PRUNE2: variants seen among roughly 807,000 people sequenced by gnomAD.
PRUNE2 encodes the protein prune homolog 2 with BCH domain.
Under a neutral mutation model 252.0 loss-of-function variants are expected in PRUNE2, and 164 were observed. That is an observed-to-expected ratio of 0.65 (90% CI 0.57 to 0.74). The LOEUF (loss-of-function observed/expected upper bound fraction) is 0.74, where lower values mean the gene tolerates loss of function less well. Ranked by LOEUF, PRUNE2 falls within the 30% of genes least tolerant of loss-of-function variation. The pLI, the probability that PRUNE2 is intolerant of heterozygous loss-of-function variation, is 0.00. For missense variants in PRUNE2, 3,495 were observed against 3,711.0 expected, an observed-to-expected ratio of 0.94 and a Z score of 1.51; for synonymous variants, 1,292 against 1,350.2, an observed-to-expected ratio of 0.96 and a Z score of 0.94.
chr9:76,886,691 C>T (rs2062120899), intron 1 of PRUNE2, among the ~76,000 whole-genome samples: 1 of 152,196 alleles, frequency 6.6e-6, no homozygotes, highest in African/African-American at 2.4e-5. Context: ...TCACTCCACA[C>T]AATGACTGAA....
rs777734019 is a variant in PRUNE2, at chr9:76,704,060, G to C, written c.7553C>G (p.Thr2518Arg). ...CTGCTCAGGCTCTTTGGTAGGAATT[G>C]TTTTTTCTTCTTCCAATTCTGATAT... ...KEISELEEEK[T>R]IPTKEPEQIK... is the part of the protein sequence containing the mutation. The change falls in exon 9 of 19, where the codon ACA becomes AGA. Residue 2518 changes from threonine to arginine, a missense_variant. Physicochemically the swap from Thr to Arg is moderately conservative, Grantham distance 71 (BLOSUM62 -1). Transcript: ENST00000376718. 1 of 1,601,186 alleles carries C rather than the reference G, an allele frequency of 6.2e-7. No homozygotes were observed. The highest frequency in any genetic ancestry group is 8.5e-7 in the Non-Finnish European group (1 of 1,175,892).
At chr9:76,894,065 T>C (rs2062658174) in intron 1 of PRUNE2, among the ~76,000 whole-genome samples, 1 of 152,220 alleles carries the variant, frequency 6.6e-6, no homozygotes. Context: ...CTTAAGACCA[T>C]GCTTGCAATT....
chr9:76,663,070 A>G (rs559018101), intron 9 of PRUNE2, among the ~76,000 whole-genome samples: 1 of 152,386 alleles, frequency 6.6e-6, no homozygotes, highest in East Asian at 1.9e-4. Flanking sequence ...TTAAGCCAGC[A>G]GTACATGGCA....
chr9:76,884,472 C>T (rs949829924), intron 1 of PRUNE2, among the ~76,000 whole-genome samples: 2 of 152,138 alleles, frequency 1.3e-5, no homozygotes, highest in Admixed American at 6.5e-5. Context: ...AAAACTAAGA[C>T]TTGGAGATGT....
At chr9:76,902,797 G>A (rs1231927982) in intron 1 of PRUNE2, among the ~76,000 whole-genome samples, 2 of 152,188 alleles carry the variant, frequency 1.3e-5, no homozygotes, top group South Asian at 2.1e-4. Flanking sequence ...TTGAGCCCCA[G>A]GAGGAGGGAT....
intron 17 of PRUNE2, among the ~76,000 whole-genome samples, chr9:76,620,349 C>T (rs1341303246): frequency 6.6e-6 from 1 of 152,054 alleles, no homozygotes; most frequent in Non-Finnish European, 1.5e-5. Context: ...CATGTTGCCC[C>T]AGGCTGGTCT....
chr9:76,678,370 A>G (rs1412145274), intron 9 of PRUNE2, among the ~76,000 whole-genome samples: 1 of 138,788 alleles, frequency 7.2e-6, no homozygotes, highest in Non-Finnish European at 1.6e-5. Flanking sequence ...AAAAAAAAAA[A>G]AAAAAAGGAA....
At chr9:76,803,186 G>A (rs893220050) in intron 6 of PRUNE2, among the ~76,000 whole-genome samples, 1 of 152,220 alleles carries the variant, frequency 6.6e-6, no homozygotes, top group African/African-American at 2.4e-5. Flanking sequence ...TGAAAATGTT[G>A]TGATATCATG....
chr9:76,651,736 ATCT>A (rs1176562542), intron 11 of PRUNE2, among the ~76,000 whole-genome samples: 4 of 152,184 alleles, frequency 2.6e-5, no homozygotes, highest in Non-Finnish European at 5.9e-5. Flanking sequence ...ACTTTTAATT[ATCT>A]TCTTTTTTAT....
intron 4 of PRUNE2, among the ~76,000 whole-genome samples, chr9:76,827,330 G>C (rs2058401692): frequency 6.6e-6 from 1 of 152,134 alleles, no homozygotes; most frequent in Non-Finnish European, 1.5e-5. Context: ...GGACTCACAA[G>C]CTGGGTCTAA....
rs115737530 is a variant in PRUNE2 at position 76,627,541 on chromosome 9, G to A, written c.9149+1651C>T. On this transcript the variant is annotated intron_variant, in intron 16 of 18. Transcript: ENST00000376718. ...TGTGAAGCTAATGAGGGTTGAAGCC[G>A]TCATTAGGATCTAATGAACACTCCG... Among the ~76,000 whole-genome samples, 1,260 of 152,246 alleles carry A rather than the reference G, an allele frequency of 8.3e-3. 17 individuals carry two copies. The highest frequency in any genetic ancestry group is 0.027 in the African/African-American group (1,133 of 41,548).
chr9:76,824,742 C>T (rs569669925), intron 5 of PRUNE2, among the ~76,000 whole-genome samples: 3 of 152,294 alleles, frequency 2.0e-5, no homozygotes, highest in African/African-American at 7.2e-5. Context: ...TATGTTAAGG[C>T]TTCAGAGACC....
chr9:76,703,838 G>C lies in PRUNE2; in HGVS notation c.7775C>G (p.Ala2592Gly). The change falls in exon 9 of 19, where the codon GCA becomes GGA. Residue 2592 changes from alanine to glycine, a missense_variant. By Grantham distance (60) the Ala-to-Gly change is moderately conservative. Transcript: ENST00000376718. ...TGGCTGACATGTGTCTGGGAAGCTT[G>C]CTAACTGAGTTCCCTGCAGCCCTGT... ...KETGLQGTQLASFPDTCQPAS... is the reference protein window; with the variant it reads ...KETGLQGTQLGSFPDTCQPAS... 6.2e-7 allele frequency: 1 copy of C among 1,613,990 alleles called. No homozygotes were observed. The highest frequency in any genetic ancestry group is 1.1e-5 in the South Asian group (1 of 91,082).
chr9:76,885,839 T>C (rs2062056078), intron 1 of PRUNE2, among the ~76,000 whole-genome samples: 1 of 124,252 alleles, frequency 8.0e-6, no homozygotes, highest in African/African-American at 3.0e-5. Context: ...AATAAAATTA[T>C]TTAGTGAATT....
At chr9:76,671,650 G>A (rs2041499676) in intron 9 of PRUNE2, among the ~76,000 whole-genome samples, 1 of 152,156 alleles carries the variant, frequency 6.6e-6, no homozygotes, top group South Asian at 2.1e-4. Context: ...GGAAGCCAGA[G>A]AGAAAGGTCG....
At position 76,879,220 on chromosome 9, in the gene PRUNE2, CAGAG is replaced by C. The variant is rs572132549; in HGVS notation, c.37-25016_37-25013del. Among the ~76,000 whole-genome samples the C allele has an allele frequency of 5.9e-5, 9 of 152,226 alleles. No individual in the cohort carries two copies. The South Asian group carries it at 1.9e-3, about 32-fold the overall frequency. On this transcript the variant is annotated intron_variant, in intron 1 of 18. Coordinates refer to ENST00000376718, the MANE Select transcript of PRUNE2 (RefSeq NM_015225.3). ...GTGTATGTGGTCTGTATGAGAGAGA[CAGAG>C]AAAGAAAACAGACAGAAAGAGATGT...
chr9:76,630,151 C>G (rs550518895), intron 15 of PRUNE2, among the ~76,000 whole-genome samples: 1 of 151,732 alleles, frequency 6.6e-6, no homozygotes, highest in African/African-American at 2.4e-5. Flanking sequence ...TTGTTTGTAA[C>G]AAACAAAAAT....
chr9:76,873,859 G>A (rs1205282023), intron 1 of PRUNE2, among the ~76,000 whole-genome samples: 1 of 152,114 alleles, frequency 6.6e-6, no homozygotes. Flanking sequence ...AAGTGAACTG[G>A]GGCCACCGCA....
At position 76,706,542 on chromosome 9, in the gene PRUNE2, T is replaced by G; in HGVS notation, c.5732A>C (p.Gln1911Pro). 1.2e-6 allele frequency: 2 copies of G among 1,614,002 alleles called. No individual in the cohort carries two copies. The highest frequency in any genetic ancestry group is 1.7e-6 in the Non-Finnish European group (2 of 1,179,884). The stretch of plus-strand genomic sequence containing the variant: ...AGCATCTGGGTCTGGCTGCCTTGGT[T>G]GAATGTTCCAGAGTTGCTCATGGGA... The part of the protein sequence containing the change: ...KNSHEQLWNI[Q>P]PRQPDPDADK... The change falls in exon 8 of 19, where the codon CAA becomes CCA. Residue 1911 changes from glutamine (Q) to proline (P), a missense_variant. Transcript: ENST00000376718.
Sources: gnomAD v4.1 joint callset for allele counts (sites outside exome capture counted in the v4.1 genomes callset) on GRCh38, gnomAD v4.1.1 for gene constraint, MANE v1.5 for transcripts, NCBI Gene and HGNC (gene_info 2026-07-23, HGNC 2026-07-21) for gene names.